The following MYO3A variants were observed in gnomAD, a reference collection of about 807,000 sequenced individuals.
The protein encoded by MYO3A is myosin-IIIa.
Under a neutral mutation model 192.7 loss-of-function variants are expected in MYO3A, and 180 were observed. That is an observed-to-expected ratio of 0.93 (90% CI 0.83 to 1.06). MYO3A has a LOEUF of 1.06. Among genes scored for constraint, MYO3A ranks in the 50% least tolerant of loss-of-function variants. The pLI is 0.00. For missense variants in MYO3A, 1,896 were observed against 1,905.0 expected (o/e 1.00, Z 0.09); for synonymous variants, 628 against 645.3 (o/e 0.97, Z 0.41).
chr10:25,998,159 G>A (rs1840570186), intron 6 of MYO3A, among the ~76,000 whole-genome samples: 1 of 152,110 alleles, frequency 6.6e-6, no homozygotes, highest in African/African-American at 2.4e-5. Flanking sequence ...TTGAGAAGTG[G>A]GACTGTGTCT....
intron 2 of MYO3A, among the ~76,000 whole-genome samples, chr10:25,950,541 G>A (rs151051554): frequency 2.0e-5 from 3 of 152,294 alleles, no homozygotes; most frequent in African/African-American, 7.2e-5. Context: ...AGTCAACATG[G>A]TTGTATGGTT....
intron 10 of MYO3A, among the ~76,000 whole-genome samples, chr10:26,061,966 AG>A (rs1564509173): frequency 6.6e-6 from 1 of 152,310 alleles, no homozygotes; most frequent in East Asian, 1.9e-4. Context: ...CTTTGAAAAT[AG>A]GGGAGTAAAT....
At position 26,078,672 on chromosome 10, in the gene MYO3A, G is replaced by A. The variant is rs555372360; in HGVS notation, c.1359+8271G>A. On this transcript the variant is annotated intron_variant, in intron 14 of 34. Transcript: ENST00000642920. Reference sequence around the variant, plus strand: ...GGCTATGAACTTTCCTTTTAGCACCGCCTTTGCTGTATACTAGAGGTTTTG... The same window carrying A: ...GGCTATGAACTTTCCTTTTAGCACCACCTTTGCTGTATACTAGAGGTTTTG... 1.2e-3 allele frequency among the ~76,000 whole-genome samples: 183 copies of A among 151,970 alleles called. 1 individual carries two copies. The highest frequency in any genetic ancestry group is 1.9e-3 in the Non-Finnish European group (129 of 67,898).
intron 4 of MYO3A, among the ~76,000 whole-genome samples, chr10:25,989,316 C>T (rs1452352809): frequency 2.0e-5 from 3 of 149,958 alleles, no homozygotes; most frequent in Admixed American, 1.3e-4. Context: ...TCTTTTCAAT[C>T]AATTGTGAGT....
intron 10 of MYO3A, among the ~76,000 whole-genome samples, chr10:26,049,565 A>G (rs1227854629): frequency 2.0e-5 from 3 of 152,232 alleles, no homozygotes; most frequent in African/African-American, 4.8e-5. Context: ...GCAAGTGCAC[A>G]GCAGAAAAGT....
At chr10:26,019,649 A>G (rs1239613265) in intron 7 of MYO3A, among the ~76,000 whole-genome samples, 1 of 152,158 alleles carries the variant, frequency 6.6e-6, no homozygotes, top group Non-Finnish European at 1.5e-5. Context: ...CATACAATAT[A>G]TGGCCCTGTG....
intron 9 of MYO3A, among the ~76,000 whole-genome samples, chr10:26,025,325 T>A (rs1842491723): frequency 6.6e-6 from 1 of 152,068 alleles, no homozygotes; most frequent in South Asian, 2.1e-4. Context: ...TTTATGCTTT[T>A]TTTCTTTTTT....
intron 6 of MYO3A, 32 bp downstream of exon 6, chr10:25,997,290 C>T: frequency 1.4e-6 from 2 of 1,428,456 alleles, no homozygotes; most frequent in Admixed American, 1.7e-5. Context: ...TGAGTTTTAA[C>T]TCCATAATGA....
intron 18 of MYO3A, among the ~76,000 whole-genome samples, chr10:26,122,980 A>G (rs1181479684): frequency 6.6e-6 from 1 of 152,218 alleles, no homozygotes; most frequent in Non-Finnish European, 1.5e-5. Flanking sequence ...CAAAAATGGC[A>G]TCACAGATCA....
intron 28 of MYO3A, among the ~76,000 whole-genome samples, chr10:26,169,600 T>C (rs1479080880): frequency 6.6e-6 from 1 of 152,222 alleles, no homozygotes; most frequent in African/African-American, 2.4e-5. Flanking sequence ...GATCCACTAA[T>C]GGTTTGCAGC....
intron 20 of MYO3A, among the ~76,000 whole-genome samples, chr10:26,130,116 T>C (rs1839446281): frequency 6.6e-6 from 1 of 152,158 alleles, no homozygotes; most frequent in Admixed American, 6.5e-5. Context: ...ATTGCTTTTT[T>C]TTTTTTGAAA....
At chr10:25,942,000 T>A (rs1291758949) in intron 2 of MYO3A, among the ~76,000 whole-genome samples, 1 of 149,314 alleles carries the variant, frequency 6.7e-6, no homozygotes, top group Non-Finnish European at 1.5e-5. Flanking sequence ...TCTTACTTTC[T>A]TTTTTCTTTT....
intron 4 of MYO3A, among the ~76,000 whole-genome samples, chr10:25,982,218 G>A (rs956810356): frequency 2.0e-5 from 3 of 152,064 alleles, no homozygotes; most frequent in Non-Finnish European, 4.4e-5. Flanking sequence ...ACACCGTCAT[G>A]CCCCACAGCA....
chr10:25,951,244 A>G (rs1245666659), intron 2 of MYO3A, among the ~76,000 whole-genome samples: 1 of 151,954 alleles, frequency 6.6e-6, no homozygotes, highest in Non-Finnish European at 1.5e-5. Flanking sequence ...AAATGGTCTC[A>G]TTGGCCATAT....
chr10:26,161,437 A>G (rs190241008), intron 26 of MYO3A, among the ~76,000 whole-genome samples: 55 of 152,314 alleles, frequency 3.6e-4, no homozygotes, highest in African/African-American at 1.2e-3. Context: ...CCATTTTCCC[A>G]CTAAGCACCT....
chr10:26,192,800 C>T (rs1843214304), intron 31 of MYO3A, among the ~76,000 whole-genome samples: 2 of 151,774 alleles, frequency 1.3e-5, no homozygotes, highest in South Asian at 4.2e-4. Context: ...ATTACGGGTG[C>T]CCACCACCAC....
At chr10:25,980,007 C>T (rs760914501) in intron 4 of MYO3A, among the ~76,000 whole-genome samples, 2 of 152,106 alleles carry the variant, frequency 1.3e-5, no homozygotes, top group South Asian at 2.1e-4. Flanking sequence ...GAGGCCAAGG[C>T]GGGTGGATCA....
chr10:26,179,023 G>C (rs572052276), intron 31 of MYO3A, among the ~76,000 whole-genome samples: 3 of 149,734 alleles, frequency 2.0e-5, no homozygotes, highest in Non-Finnish European at 4.4e-5. Context: ...GGGTGGTCTC[G>C]ATCCGACCCT....
intron 4 of MYO3A, among the ~76,000 whole-genome samples, chr10:25,984,380 A>G (rs1839515659): frequency 6.6e-6 from 1 of 152,194 alleles, no homozygotes; most frequent in Non-Finnish European, 1.5e-5. Context: ...CACCTAACAC[A>G]TAAGAACTCG....
Sources: allele counts gnomAD v4.1 joint callset (sites outside exome capture counted in the v4.1 genomes callset), GRCh38; gene constraint gnomAD v4.1.1; transcripts MANE v1.5; gene names NCBI Gene and HGNC (gene_info 2026-07-23, HGNC 2026-07-21).